Variants in SEPTIN9 observed in about 807,000 individuals in gnomAD.
SEPTIN9 encodes septin 9.
SEPTIN9 carries 13 observed loss-of-function variants against 56.6 expected under a neutral mutation model. The ratio of observed to expected loss-of-function variants is 0.23; its 90% CI spans 0.15 to 0.37. The LOEUF (loss-of-function observed/expected upper bound fraction) is 0.37, where lower values mean the gene tolerates loss of function less well. SEPTIN9 is among the 10% of genes least tolerant of loss of function. The pLI, the probability that SEPTIN9 is intolerant of heterozygous loss-of-function variation, is 1.00. For synonymous variants in SEPTIN9, 332 were observed against 334.1 expected, an observed-to-expected ratio of 0.99 and a Z score of 0.07; for missense variants, 650 against 823.1, an observed-to-expected ratio of 0.79 and a Z score of 2.57.
chr17:77,411,652 G>A (rs1238852604), intron 3 of SEPTIN9, among the ~76,000 whole-genome samples: 4 of 151,498 alleles, frequency 2.6e-5, no homozygotes, highest in South Asian at 2.1e-4. Context: ...CGCCCACCTC[G>A]GCCTCCCAAA....
intron 3 of SEPTIN9, among the ~76,000 whole-genome samples, chr17:77,417,163 A>G (rs528569603): frequency 6.6e-6 from 1 of 152,318 alleles, no homozygotes; most frequent in African/African-American, 2.4e-5. Flanking sequence ...GAGGATGAAC[A>G]TAAGGAAGTG....
chr17:77,281,556 T>C lies in SEPTIN9; in HGVS notation c.19+2T>C. The C allele has an allele frequency of 6.5e-7, 1 of 1,543,236 alleles. No individual in the cohort carries two copies. Among genetic ancestry groups the C allele is most frequent in the Non-Finnish European group, 8.7e-7 (1 of 1,144,516 alleles). On this transcript the variant is annotated splice_donor_variant, in intron 1 of 11. Coordinates refer to ENST00000427177, the MANE Select transcript of SEPTIN9 (RefSeq NM_001113491.2). LOFTEE classifies it high-confidence loss of function. ...GCACCATGAAGAAGTCTTACTCAGG[T>C]GGGCTTCGCGCCCGGGGTGGGGAGG...
At chr17:77,366,666 C>T (rs1314355121) in intron 2 of SEPTIN9, among the ~76,000 whole-genome samples, 1 of 152,176 alleles carries the variant, frequency 6.6e-6, no homozygotes, top group Non-Finnish European at 1.5e-5. Context: ...AGGGTTCCAT[C>T]AGGTTGGATG....
rs558121865 is a variant in SEPTIN9, at chr17:77,366,616, C to A, written c.77-35443C>A. ...GTCCTTCTGTCCTGTGTGTGTGCAG[C>A]CCCTGACCACCACCATCCCTGCCCC... On this transcript the variant is annotated intron_variant, in intron 2 of 11. Transcript: ENST00000427177. Among the ~76,000 whole-genome samples the A allele has an allele frequency of 7.6e-4, 115 of 152,286 alleles. 1 individual carries two copies. The highest frequency in any genetic ancestry group is 2.7e-3 in the African/African-American group (111 of 41,542).
intron 3 of SEPTIN9, among the ~76,000 whole-genome samples, chr17:77,443,477 T>C (rs2037623223): frequency 6.6e-6 from 1 of 152,138 alleles, no homozygotes; most frequent in Admixed American, 6.5e-5. Flanking sequence ...GGTATAATGA[T>C]AGCTTTTCAA....
intron 2 of SEPTIN9, among the ~76,000 whole-genome samples, chr17:77,362,391 T>C (rs1005409859): frequency 4.6e-5 from 7 of 152,256 alleles, no homozygotes; most frequent in Non-Finnish European, 8.8e-5. Flanking sequence ...GGAGAACAGC[T>C]GTGCTGAGAA....
intron 3 of SEPTIN9, among the ~76,000 whole-genome samples, chr17:77,426,540 C>T (rs2036919230): frequency 6.6e-6 from 1 of 152,158 alleles, no homozygotes; most frequent in Non-Finnish European, 1.5e-5. Context: ...CTGTTCACTG[C>T]ACCGGTCCCC....
intron 2 of SEPTIN9, among the ~76,000 whole-genome samples, chr17:77,387,634 T>TCTCATCTCAGGTC (rs2035383340): frequency 6.6e-6 from 1 of 152,082 alleles, no homozygotes. Context: ...GTGATGAGGT[T>TCTCATCTCAGGTC]CTCATCTCAG....
intron 4 of SEPTIN9, among the ~76,000 whole-genome samples, chr17:77,485,807 C>G (rs2039754070): frequency 6.6e-6 from 1 of 152,074 alleles, no homozygotes; most frequent in South Asian, 2.1e-4. Flanking sequence ...AAGGTGTTAT[C>G]AAAGTCAGAA....
intron 2 of SEPTIN9, among the ~76,000 whole-genome samples, chr17:77,397,470 G>A (rs1238772717): frequency 6.6e-6 from 1 of 152,138 alleles, no homozygotes; most frequent in Non-Finnish European, 1.5e-5. Context: ...TTCCAAATAA[G>A]GTCACATTCG....
At chr17:77,432,496 G>C (rs543944409) in intron 3 of SEPTIN9, among the ~76,000 whole-genome samples, 5 of 152,366 alleles carry the variant, frequency 3.3e-5, no homozygotes, top group African/African-American at 1.2e-4. Context: ...GCTGTGCCCT[G>C]CTCCCTGACC....
Position 77,498,677 on chromosome 17 carries a change from C to CCCGGGGT in SEPTIN9, c.*20_*21insCGGGGTC. The CCCGGGGT allele has an allele frequency of 6.6e-7, 1 of 1,521,668 alleles. No homozygotes were observed. Among genetic ancestry groups the CCCGGGGT allele is most frequent in the South Asian group, 1.2e-5 (1 of 85,906 alleles). The allele number at this position is 1,521,668 out of a possible 1,614,324, so 94.3% of individuals were successfully genotyped here. On this transcript the variant is annotated 3_prime_UTR_variant, in exon 12 of 12. Coordinates refer to ENST00000427177, the MANE Select transcript of SEPTIN9 (RefSeq NM_001113491.2). ...GATGTAGACGCCACCCTGCCCACCCCCGGGATCCTGCCCCCAAGTCATTTC... is the reference window on the plus strand; with the variant it reads ...GATGTAGACGCCACCCTGCCCACCCCCCGGGGTCGGGATCCTGCCCCCAAGTCATTTC...
chr17:77,473,827 ACACT>A (rs1490718223), intron 3 of SEPTIN9, among the ~76,000 whole-genome samples: 2 of 152,232 alleles, frequency 1.3e-5, no homozygotes, highest in African/African-American at 4.8e-5. Context: ...TGTGAAGTAG[ACACT>A]CAATAAATAC....
rs1244991251 is a variant in SEPTIN9, at chr17:77,433,196, C to T, written c.721+30493C>T. On this transcript the variant is annotated intron_variant, in intron 3 of 11. Coordinates refer to ENST00000427177, the MANE Select transcript of SEPTIN9 (RefSeq NM_001113491.2). The surrounding 1 kb of genome is among the most constrained non-coding windows in gnomAD (Gnocchi z 6.4). ...TGCTGTGGGGGATCCTCCATCCCAC[C>T]ATCTCCAGCCGTGGTGTCCCTCTCG... Among the ~76,000 whole-genome samples, 1 of 152,088 alleles carries T rather than the reference C, an allele frequency of 6.6e-6. No homozygotes were observed. The highest frequency in any genetic ancestry group is 1.5e-5 in the Non-Finnish European group (1 of 68,004).
chr17:77,439,612 GA>G (rs1267754938), intron 3 of SEPTIN9, among the ~76,000 whole-genome samples: 2 of 152,184 alleles, frequency 1.3e-5, no homozygotes, highest in African/African-American at 4.8e-5. Flanking sequence ...GCTGAGTGGG[GA>G]TCAGGTGAGC....
intron 2 of SEPTIN9, among the ~76,000 whole-genome samples, chr17:77,361,922 G>A (rs1284000867): frequency 6.6e-6 from 1 of 152,212 alleles, no homozygotes; most frequent in African/African-American, 2.4e-5. Context: ...GTGAGCCACC[G>A]CGCCCGGCCA....
rs755992653 is a variant in SEPTIN9 at position 77,482,181 on chromosome 17, C to G, written c.759C>G (p.Ala253=). Residue 253 remains alanine, a synonymous_variant, in exon 4 of 12, where the codon GCC becomes GCG. Transcript: ENST00000427177. Reference sequence around the variant, plus strand: ...CTCCCAGCTGCGTTGGCGACATGGCCGACACCCCCAGAGATGCCGGGCTCA... The same window carrying G: ...CTCCCAGCTGCGTTGGCGACATGGCGGACACCCCCAGAGATGCCGGGCTCA... ...EAAPSCVGDM[A]DTPRDAGLKQ... is the part of the protein sequence containing the mutation. The G allele has an allele frequency of 1.9e-6, 3 of 1,603,836 alleles. No homozygotes were observed. Among genetic ancestry groups the G allele is most frequent in the South Asian group, 2.2e-5 (2 of 89,922 alleles).
At chr17:77,479,073 A>G (rs1016486953) in intron 3 of SEPTIN9, among the ~76,000 whole-genome samples, 1 of 152,200 alleles carries the variant, frequency 6.6e-6, no homozygotes, top group Non-Finnish European at 1.5e-5. Context: ...TACAAGATGA[A>G]AAAGTTCTGG....
At chr17:77,331,924 G>T (rs2033380313) in intron 2 of SEPTIN9, among the ~76,000 whole-genome samples, 1 of 152,156 alleles carries the variant, frequency 6.6e-6, no homozygotes, top group African/African-American at 2.4e-5. Flanking sequence ...TGGTTGATAG[G>T]TTTCAATCTT....
Sources: allele counts gnomAD v4.1 joint callset (sites outside exome capture counted in the v4.1 genomes callset), GRCh38; gene constraint gnomAD v4.1.1; non-coding constraint Gnocchi (gnomAD v3.1); transcripts MANE v1.5; gene names NCBI Gene and HGNC (gene_info 2026-07-23, HGNC 2026-07-21).